The following IL21R variants were observed in gnomAD, a reference collection of about 807,000 sequenced individuals.
IL21R encodes the protein interleukin 21 receptor.
IL21R carries 14 observed loss-of-function variants against 41.3 expected under a neutral mutation model. That is an observed-to-expected ratio of 0.34 (90% CI 0.22 to 0.53). The LOEUF (loss-of-function observed/expected upper bound fraction) is 0.53, where lower values mean the gene tolerates loss of function less well. Ranked by LOEUF, IL21R falls within the 20% of genes least tolerant of loss-of-function variation. The probability of loss-of-function intolerance (pLI) is 0.94; values close to 1 mark genes in which losing one functional copy is unlikely to be tolerated. For missense variants in IL21R, 588 were observed against 681.6 expected, an observed-to-expected ratio of 0.86 and a Z score of 1.53; for synonymous variants, 286 against 287.6, an observed-to-expected ratio of 0.99 and a Z score of 0.05.
At chr16:27,432,855 G>A (rs1400505524) in intron 2 of IL21R, among the ~76,000 whole-genome samples, 1 of 152,172 alleles carries the variant, frequency 6.6e-6, no homozygotes, top group African/African-American at 2.4e-5. Context: ...ACCTAGGGGA[G>A]GGAGTGCTGT....
intron 2 of IL21R, among the ~76,000 whole-genome samples, chr16:27,433,082 G>A (rs1049092410): frequency 1.3e-5 from 2 of 152,176 alleles, no homozygotes; most frequent in Non-Finnish European, 2.9e-5. Context: ...CCTAGAGTGA[G>A]ACCCAGGAAG....
chr16:27,419,632 T>G (rs1014000743), intron 1 of IL21R, among the ~76,000 whole-genome samples: 1 of 152,160 alleles, frequency 6.6e-6, no homozygotes, highest in Non-Finnish European at 1.5e-5. Flanking sequence ...TTCACCATGT[T>G]GGCCAGGCTG....
At chr16:27,404,659 G>GC (rs2086710277) in intron 1 of IL21R, among the ~76,000 whole-genome samples, 1 of 152,172 alleles carries the variant, frequency 6.6e-6, no homozygotes, top group Non-Finnish European at 1.5e-5. Context: ...AGGAAGGGGT[G>GC]CCTGCGGTTA....
chr16:27,440,411 C>T (rs1334149125), intron 4 of IL21R, among the ~76,000 whole-genome samples: 1 of 151,646 alleles, frequency 6.6e-6, no homozygotes, highest in Non-Finnish European at 1.5e-5. Context: ...GTGGTTGGGA[C>T]TACAGGTGCA....
Position 27,430,068 on chromosome 16 carries a change from C to A in IL21R, c.-4C>A, listed in dbSNP as rs758904752. 6.2e-7 allele frequency: 1 copy of A among 1,606,508 alleles called. No individual in the cohort carries two copies. The highest frequency in any genetic ancestry group is 1.7e-5 in the Admixed American group (1 of 59,988). On this transcript the variant is annotated 5_prime_UTR_variant, in exon 2 of 9. Coordinates refer to ENST00000337929, the MANE Select transcript of IL21R (RefSeq NM_181078.3). The stretch of plus-strand genomic sequence containing the variant: ...ACGTCTCTTGCAGGCCCGTGGGAGT[C>A]AGCATGCCGCGTGGCTGGGCCGCCC...
At chr16:27,417,163 CTTT>C (rs577149386) in intron 1 of IL21R, among the ~76,000 whole-genome samples, 48 of 126,588 alleles carry the variant, frequency 3.8e-4, no homozygotes, top group African/African-American at 1.3e-3. Context: ...TTTTTCTTTT[CTTT>C]TTTTTTTTTT....
chr16:27,404,876 T>G (rs1403692780), intron 1 of IL21R, among the ~76,000 whole-genome samples: 1 of 152,130 alleles, frequency 6.6e-6, no homozygotes, highest in Non-Finnish European at 1.5e-5. Context: ...GAGGATTTAC[T>G]CAACCTATTC....
chr16:27,424,210 G>A (rs1418053962), intron 1 of IL21R, among the ~76,000 whole-genome samples: 5 of 152,018 alleles, frequency 3.3e-5, no homozygotes, highest in Admixed American at 3.3e-4. Flanking sequence ...GAGTAGCTGG[G>A]ATTACAGGTG....
chr16:27,419,156 C>T (rs189375981), intron 1 of IL21R, among the ~76,000 whole-genome samples: 14 of 152,168 alleles, frequency 9.2e-5, no homozygotes, highest in East Asian at 5.8e-4. Context: ...ACCAACACCA[C>T]GCCATTGCAC....
chr16:27,412,574 G>A (rs1698040080), intron 1 of IL21R, among the ~76,000 whole-genome samples: 1 of 152,092 alleles, frequency 6.6e-6, no homozygotes, highest in Admixed American at 6.5e-5. Context: ...TCAGTTTTCT[G>A]TGAGTAGTAT....
rs149269865 is a variant in IL21R, at chr16:27,421,028, G to A, written c.-16-9028G>A. Among the ~76,000 whole-genome samples, 668 of 152,088 alleles carry A rather than the reference G, an allele frequency of 4.4e-3. 3 individuals carry two copies. The highest frequency in any genetic ancestry group is 7.3e-3 in the Non-Finnish European group (493 of 67,956). On this transcript the variant is annotated intron_variant, in intron 1 of 8. Coordinates refer to ENST00000337929, the MANE Select transcript of IL21R (RefSeq NM_181078.3). ...TCTAGCTTCATTATATTGCATTGTGGATATCCATTTGTGTGGTACCATTTG... is the reference window on the plus strand; with the variant it reads ...TCTAGCTTCATTATATTGCATTGTGAATATCCATTTGTGTGGTACCATTTG...
chr16:27,433,461 C>T (rs935847443), intron 2 of IL21R, among the ~76,000 whole-genome samples: 1 of 152,104 alleles, frequency 6.6e-6, no homozygotes, highest in Non-Finnish European at 1.5e-5. Flanking sequence ...GCAAGAGATC[C>T]TATCTCAAAA....
chr16:27,436,323 A>C (rs2087269605), intron 3 of IL21R, among the ~76,000 whole-genome samples: 1 of 152,268 alleles, frequency 6.6e-6, no homozygotes, highest in Non-Finnish European at 1.5e-5. Flanking sequence ...AGAAGGAGGA[A>C]GCCAGGGAGC....
At chr16:27,443,296 G>A (rs929006089) in intron 5 of IL21R, among the ~76,000 whole-genome samples, 180 bp downstream of exon 5, 1 of 152,108 alleles carries the variant, frequency 6.6e-6, no homozygotes, top group African/African-American at 2.4e-5. Flanking sequence ...CCCAAGGTAG[G>A]AGACCCCTGA....
chr16:27,430,008 G>A, intron 1 of IL21R, 48 bp from the exon 2 acceptor site: 1 of 1,532,028 alleles, frequency 6.5e-7, no homozygotes, highest in Non-Finnish European at 8.9e-7. Context: ...GGAGGCCGGG[G>A]GAGCCCTGAG....
chr16:27,439,889 G>T (rs1180617733), intron 4 of IL21R, among the ~76,000 whole-genome samples: 1 of 152,048 alleles, frequency 6.6e-6, no homozygotes, highest in Non-Finnish European at 1.5e-5. Flanking sequence ...CGACCCCCAG[G>T]CTCTGCAAAC....
chr16:27,445,769 C>T (rs970207856), intron 7 of IL21R, among the ~76,000 whole-genome samples: 3 of 152,182 alleles, frequency 2.0e-5, no homozygotes, highest in Admixed American at 6.5e-5. Flanking sequence ...AACATTTGCC[C>T]AGCACGCAAC....
intron 1 of IL21R, among the ~76,000 whole-genome samples, chr16:27,421,335 CAAAAAAAAA>C (rs35250936): frequency 4.8e-5 from 4 of 84,196 alleles, no homozygotes; most frequent in Non-Finnish European, 8.8e-5. Flanking sequence ...TCAATTTCTG[CAAAAAAAAA>C]AAAAAAAAAA....
chr16:27,404,435 G>T (rs112957228), intron 1 of IL21R, among the ~76,000 whole-genome samples: 1 of 152,138 alleles, frequency 6.6e-6, no homozygotes, highest in Non-Finnish European at 1.5e-5. Flanking sequence ...AGTAGAGTAG[G>T]GGGTGGATAC....
Sources: gnomAD v4.1 joint callset for allele counts (sites outside exome capture counted in the v4.1 genomes callset) on GRCh38, gnomAD v4.1.1 for gene constraint, MANE v1.5 for transcripts, NCBI Gene and HGNC (gene_info 2026-07-23, HGNC 2026-07-21) for gene names.